Variants in UGT1A8 observed in about 807,000 individuals in gnomAD.
The protein encoded by UGT1A8 is UDP glucuronosyltransferase family 1 member A8, also known as UDP-glucuronosyltransferase 1A8.
A neutral mutation model predicts 45.3 loss-of-function variants in UGT1A8; 39 were observed. The ratio of observed to expected loss-of-function variants is 0.86; its 90% CI spans 0.67 to 1.12. The LOEUF (loss-of-function observed/expected upper bound fraction) is 1.12, where lower values mean the gene tolerates loss of function less well. Among genes scored for constraint, UGT1A8 ranks in the 50% most tolerant of loss-of-function variants. The pLI is 0.00. For synonymous variants in UGT1A8, 275 were observed against 249.2 expected, an observed-to-expected ratio of 1.10 and a Z score of -0.97; for missense variants, 719 against 664.9, an observed-to-expected ratio of 1.08 and a Z score of -0.90.
chr2:233,733,282 T>A (rs1222670290), intron 1 of UGT1A8, among the ~76,000 whole-genome samples: 1 of 152,234 alleles, frequency 6.6e-6, no homozygotes, highest in African/African-American at 2.4e-5. Flanking sequence ...CCTCTTTTCC[T>A]AATTGAATGC....
rs190427553 is a variant in UGT1A8 at position 233,772,475 on chromosome 2, C to A, written c.1509C>A (p.Thr503=). 148 of 1,614,134 alleles carry A rather than the reference C, an allele frequency of 9.2e-5. No homozygotes were observed. Among genetic ancestry groups the A allele is most frequent in the Non-Finnish European group, 1.2e-4 (140 of 1,180,034 alleles). ...LAVVLTVAFI[T]FKCCAYGYRK... is the part of the protein sequence containing the mutation. ...TCGTGCTGACAGTGGCCTTCATCAC[C>A]TTTAAATGTTGTGCTTATGGCTACC... The change falls in exon 5 of 5, where the codon ACC becomes ACA. Residue 503 remains threonine, a synonymous_variant. Coordinates refer to ENST00000373450, the MANE Select transcript of UGT1A8 (RefSeq NM_019076.5).
At chr2:233,677,559 AC>A (rs1201538930) in intron 1 of UGT1A8, among the ~76,000 whole-genome samples, 2 of 152,220 alleles carry the variant, frequency 1.3e-5, no homozygotes, top group African/African-American at 2.4e-5. Context: ...TTATTAAAAA[AC>A]GTAACATATG....
At chr2:233,744,020 A>G (rs772396813) in intron 1 of UGT1A8, 334 of 991,812 alleles carry the variant, frequency 3.4e-4, no homozygotes, top group East Asian at 3.5e-4. Context: ...CCGCCTGGAG[A>G]GACGCCCCTT....
At position 233,713,165 on chromosome 2, in the gene UGT1A8, G is replaced by A. The variant is rs28898601; in HGVS notation, c.856-53869G>A. The A allele has an allele frequency of 2.1e-4, 341 of 1,614,222 alleles. 2 individuals are homozygous for A. In the South Asian group the frequency reaches 3.5e-3, roughly 17 times the overall value. ...ACCTCCATGCGAGAGGCCACCAGGT[G>A]GTGGTCCTCACCCTGGAGGTGAATA... On this transcript the variant is annotated intron_variant, in intron 1 of 4. Transcript: ENST00000373450.
intron 1 of UGT1A8, among the ~76,000 whole-genome samples, chr2:233,736,321 A>G (rs1202722197): frequency 6.6e-6 from 1 of 152,088 alleles, no homozygotes; most frequent in Non-Finnish European, 1.5e-5. Context: ...AATTTTGTGC[A>G]TGTGTTATGA....
intron 1 of UGT1A8, chr2:233,691,380 T>C (rs1212630803): frequency 3.0e-6 from 3 of 985,440 alleles, no homozygotes; most frequent in Non-Finnish European, 3.6e-6. Context: ...CTGGTTATGT[T>C]CCCCATGGGG....
chr2:233,755,294 G>A, intron 1 of UGT1A8: 1 of 630,960 alleles, frequency 1.6e-6, no homozygotes. Flanking sequence ...GAGCCTGCGG[G>A]GCACTGGCAC....
chr2:233,753,949 C>T (rs1032633055), intron 1 of UGT1A8, among the ~76,000 whole-genome samples: 3 of 152,164 alleles, frequency 2.0e-5, no homozygotes, highest in African/African-American at 7.2e-5. Context: ...GTATGACCTC[C>T]AAAATATTAA....
At chr2:233,758,130 G>A (rs1468544509) in intron 1 of UGT1A8, among the ~76,000 whole-genome samples, 2 of 152,174 alleles carry the variant, frequency 1.3e-5, no homozygotes, top group African/African-American at 4.8e-5. Flanking sequence ...ATAAATATTT[G>A]GCAGATGAGG....
chr2:233,660,700 C>T (rs747758205), intron 1 of UGT1A8, among the ~76,000 whole-genome samples: 11 of 152,136 alleles, frequency 7.2e-5, no homozygotes, highest in Admixed American at 2.0e-4. Context: ...CTTAAATCCT[C>T]GTGCCCGCTT....
chr2:233,754,764 C>T (rs570859528), intron 1 of UGT1A8: 2 of 981,308 alleles, frequency 2.0e-6, no homozygotes, highest in East Asian at 6.0e-5. Flanking sequence ...AAGGCCCCCA[C>T]TTCCCAGGGA....
At chr2:233,693,427 G>T in intron 1 of UGT1A8, 1 of 1,614,130 alleles carries the variant, frequency 6.2e-7, no homozygotes, top group Non-Finnish European at 8.5e-7. Context: ...TCTTTAAGGA[G>T]AGCAAGTTTG....
At chr2:233,683,675 C>A (rs2074645965) in intron 1 of UGT1A8, among the ~76,000 whole-genome samples, 1 of 152,072 alleles carries the variant, frequency 6.6e-6, no homozygotes, top group Admixed American at 6.5e-5. Flanking sequence ...TTCTTATTAA[C>A]CTTTATTCCT....
rs2072943210 is a variant in UGT1A8 at position 233,618,427 on chromosome 2, AG to A, written c.721del (p.Ala241HisfsTer25). ...CTGAAATTCTCCAAACACCTGTCACAGCATATGATCTCTACAGCCACACATC... is the reference window on the plus strand; with the variant it reads ...CTGAAATTCTCCAAACACCTGTCACACATATGATCTCTACAGCCACACATC... ...ASEILQTPVT[A>X]YDLYSHTSIW... On this transcript the variant is annotated frameshift_variant, in exon 1 of 5. Coordinates refer to ENST00000373450, the MANE Select transcript of UGT1A8 (RefSeq NM_019076.5). LOFTEE classifies it high-confidence loss of function. 6.2e-7 allele frequency: 1 copy of A among 1,613,832 alleles called. No individual in the cohort carries two copies. Among genetic ancestry groups the A allele is most frequent in the Admixed American group, 1.7e-5 (1 of 59,994 alleles).
intron 1 of UGT1A8, chr2:233,648,951 G>A (rs1285294352): frequency 1.5e-5 from 21 of 1,437,726 alleles, no homozygotes; most frequent in Non-Finnish European, 2.0e-5. Flanking sequence ...TTGTTTTGGA[G>A]TATCCCAAAC....
intron 1 of UGT1A8, among the ~76,000 whole-genome samples, chr2:233,677,897 T>G (rs1344227462): frequency 6.6e-6 from 1 of 151,960 alleles, no homozygotes; most frequent in Admixed American, 6.6e-5. Flanking sequence ...CTATTCAGAA[T>G]AGAAAAGACA....
chr2:233,618,051 G>GT lies in UGT1A8; in HGVS notation c.351dup (p.Asn118Ter). ...TCTCTATTTCTGAGTTCATCCAATG[G>GT]TTTTTTTAACTTATTTTTTTCGCAT... On this transcript the variant is annotated frameshift_variant, in exon 1 of 5. Coordinates refer to ENST00000373450, the MANE Select transcript of UGT1A8 (RefSeq NM_019076.5). LOFTEE classifies it high-confidence loss of function. 11 of 1,613,936 alleles carry GT rather than the reference G, an allele frequency of 6.8e-6. No homozygotes were observed. The highest frequency in any genetic ancestry group is 9.3e-6 in the Non-Finnish European group (11 of 1,179,988).
At chr2:233,678,506 C>A (rs892905431) in intron 1 of UGT1A8, among the ~76,000 whole-genome samples, 1 of 152,070 alleles carries the variant, frequency 6.6e-6, no homozygotes, top group Admixed American at 6.6e-5. Flanking sequence ...GGAAATACAT[C>A]ATAATTACTG....
intron 1 of UGT1A8, among the ~76,000 whole-genome samples, chr2:233,656,556 C>T (rs184015309): frequency 3.9e-5 from 6 of 152,302 alleles, no homozygotes; most frequent in Non-Finnish European, 7.4e-5. Flanking sequence ...TAAGTGTAGG[C>T]GCCCATGACT....
Sources: gnomAD v4.1 joint callset for allele counts (sites outside exome capture counted in the v4.1 genomes callset) on GRCh38, gnomAD v4.1.1 for gene constraint, MANE v1.5 for transcripts, NCBI Gene and HGNC (gene_info 2026-07-23, HGNC 2026-07-21) for gene names.